The following ZNF644 variants were observed in gnomAD, a reference collection of about 807,000 sequenced individuals.
The protein encoded by ZNF644 is zinc finger motif enhancer binding protein 2.
A neutral mutation model predicts 108.0 loss-of-function variants in ZNF644; 20 were observed. The observed-to-expected ratio is 0.19, with a 90% CI of 0.13 to 0.27. The LOEUF (loss-of-function observed/expected upper bound fraction) is 0.27, where lower values mean the gene tolerates loss of function less well. Ranked by LOEUF, ZNF644 falls within the 10% of genes least tolerant of loss-of-function variation. The pLI is 1.00. For synonymous variants in ZNF644, 542 were observed against 539.1 expected (o/e 1.01, Z -0.08); for missense variants, 1,338 against 1,548.9 (o/e 0.86, Z 2.29).
intron 1 of ZNF644, among the ~76,000 whole-genome samples, chr1:90,991,455 A>G (rs1447862230): frequency 2.0e-5 from 3 of 152,216 alleles, no homozygotes; most frequent in South Asian, 4.1e-4. Flanking sequence ...AAATGAAAGC[A>G]TATGTCCATA....
chr1:90,944,634 C>A (rs1266540454), intron 2 of ZNF644, among the ~76,000 whole-genome samples: 2 of 151,536 alleles, frequency 1.3e-5, no homozygotes, highest in Non-Finnish European at 2.9e-5. Flanking sequence ...TAGATACAAC[C>A]TTCCTGTCAT....
Position 90,940,654 on chromosome 1 carries a change from T to C in ZNF644, c.700A>G (p.Lys234Glu). The C allele has an allele frequency of 6.2e-7, 1 of 1,614,090 alleles. No homozygotes were observed. The highest frequency in any genetic ancestry group is 8.5e-7 in the Non-Finnish European group (1 of 1,179,970). The change falls in exon 3 of 6, where the codon AAA becomes GAA. Residue 234 changes from lysine to glutamate, a missense_variant. Physicochemically the swap from Lys to Glu is moderately conservative, Grantham distance 56. Around this residue, in one of 6 missense-constraint regions of ZNF644, gnomAD observed 464 missense variants for 457.9 expected, o/e 1.01. Transcript: ENST00000337393. Reference sequence around the variant, plus strand: ...GTTACTGTATTGACACAATCATCTTTCACCAATAAATCTTCACCATCCTCA... The same window carrying C: ...GTTACTGTATTGACACAATCATCTTCCACCAATAAATCTTCACCATCCTCA... The part of the protein sequence containing the change: ...VGEDGEDLLV[K>E]DDCVNTVTGI...
intron 2 of ZNF644, among the ~76,000 whole-genome samples, chr1:90,944,379 C>T (rs920928922): frequency 6.6e-6 from 1 of 151,922 alleles, no homozygotes; most frequent in African/African-American, 2.4e-5. Flanking sequence ...ATGTGCATAA[C>T]AGATATTTTA....
intron 4 of ZNF644, among the ~76,000 whole-genome samples, chr1:90,936,904 G>A (rs1423053200): frequency 2.0e-5 from 3 of 152,130 alleles, no homozygotes; most frequent in Non-Finnish European, 4.4e-5. Flanking sequence ...TATGTTTTAT[G>A]TTCACAACTG....
intron 2 of ZNF644, among the ~76,000 whole-genome samples, chr1:90,965,829 T>C (rs755811972): frequency 2.0e-5 from 3 of 152,032 alleles, no homozygotes; most frequent in Admixed American, 1.3e-4. Flanking sequence ...GGCTCACTGA[T>C]ACCTTCACCT....
intron 2 of ZNF644, among the ~76,000 whole-genome samples, chr1:90,971,690 T>C (rs1382994396): frequency 6.6e-6 from 1 of 152,064 alleles, no homozygotes; most frequent in Non-Finnish European, 1.5e-5. Context: ...GTGCTGGGAT[T>C]ACAGGTGTGA....
intron 2 of ZNF644, among the ~76,000 whole-genome samples, chr1:90,981,682 C>T (rs904077816): frequency 2.0e-5 from 3 of 152,012 alleles, no homozygotes; most frequent in Non-Finnish European, 1.5e-5. Context: ...CATTCTTTCA[C>T]ATACCAAAGT....
intron 4 of ZNF644, chr1:90,935,675 T>A: frequency 1.3e-5 from 5 of 382,708 alleles, no homozygotes; most frequent in African/African-American, 2.2e-5. Context: ...GGAGGGGAAA[T>A]TAAGTTAACT....
At chr1:91,003,266 G>A (rs953409123) in intron 1 of ZNF644, among the ~76,000 whole-genome samples, 5 of 152,096 alleles carry the variant, frequency 3.3e-5, no homozygotes, top group African/African-American at 1.2e-4. Flanking sequence ...CAATAGCAAA[G>A]ACTTGGAACC....
intron 1 of ZNF644, among the ~76,000 whole-genome samples, chr1:90,998,064 G>T (rs1251117035): frequency 1.2e-4 from 18 of 152,202 alleles, no homozygotes; most frequent in Admixed American, 9.2e-4. Context: ...CGAACTGGGG[G>T]GAGCCCACCA....
chr1:90,976,003 C>A (rs1655971823), intron 2 of ZNF644, among the ~76,000 whole-genome samples: 1 of 152,080 alleles, frequency 6.6e-6, no homozygotes, highest in Non-Finnish European at 1.5e-5. Context: ...CACAAGGAAA[C>A]AGTTCAAATA....
chr1:91,006,741 T>C (rs1189917770), intron 1 of ZNF644, among the ~76,000 whole-genome samples: 1 of 152,112 alleles, frequency 6.6e-6, no homozygotes, highest in Non-Finnish European at 1.5e-5. Flanking sequence ...CCCTTCATAA[T>C]CATCCTAGAA....
chr1:90,937,957 G>C lies in ZNF644; in HGVS notation c.3216C>G (p.His1072Gln). ...CATTCAGAACACAGATTGGAGATTT[G>C]TGAGCATCCCATTTCGTCTTTCCAA... The part of the protein sequence containing the change: ...KRLGKTKWDA[H>Q]KSPICVLNEM... The change falls in exon 4 of 6, where the codon CAC (histidine) becomes CAG (glutamine). Residue 1072 changes from histidine (H) to glutamine (Q), a missense_variant. This residue lies in a region of ZNF644 where 287 missense variants were observed against 310.9 expected (regional missense o/e 0.92). Transcript: ENST00000337393. The C allele has an allele frequency of 6.2e-7, 1 of 1,612,992 alleles. No homozygotes were observed. The highest frequency in any genetic ancestry group is 1.7e-5 in the Admixed American group (1 of 59,980).
intron 2 of ZNF644, among the ~76,000 whole-genome samples, chr1:90,969,402 G>T (rs1423308756): frequency 6.6e-6 from 1 of 152,136 alleles, no homozygotes; most frequent in Non-Finnish European, 1.5e-5. Context: ...CCCAGTCTGT[G>T]GTACAATAGT....
intron 4 of ZNF644, among the ~76,000 whole-genome samples, chr1:90,921,462 A>G (rs949198929): frequency 5.3e-5 from 8 of 152,068 alleles, no homozygotes; most frequent in African/African-American, 1.7e-4. Flanking sequence ...TTTACAAAGT[A>G]TTTTAAATCT....
At chr1:90,949,302 T>C (rs1652842080) in intron 2 of ZNF644, among the ~76,000 whole-genome samples, 1 of 152,044 alleles carries the variant, frequency 6.6e-6, no homozygotes, top group Non-Finnish European at 1.5e-5. Flanking sequence ...AAAGTGCTAC[T>C]TCAAAGAAAT....
intron 4 of ZNF644, among the ~76,000 whole-genome samples, chr1:90,936,490 C>T (rs1290400984): frequency 1.3e-5 from 2 of 152,092 alleles, no homozygotes; most frequent in South Asian, 2.1e-4. Context: ...GTTATCTTTC[C>T]TTAAATCAAA....
intron 1 of ZNF644, among the ~76,000 whole-genome samples, chr1:90,990,359 G>A (rs1185588988): frequency 6.6e-6 from 1 of 152,174 alleles, no homozygotes; most frequent in Non-Finnish European, 1.5e-5. Context: ...ACATATAAGA[G>A]CCAAGGTGGA....
intron 1 of ZNF644, among the ~76,000 whole-genome samples, chr1:90,983,132 C>T (rs1233083497): frequency 6.6e-6 from 1 of 152,096 alleles, no homozygotes. Context: ...TCTAAATTCT[C>T]TATTCTTTAA....
Sources: gnomAD v4.1 joint callset for allele counts (sites outside exome capture counted in the v4.1 genomes callset) on GRCh38, gnomAD v4.1.1 for gene constraint, gnomAD v4.1.1 regional missense constraint, MANE v1.5 for transcripts, NCBI Gene and HGNC (gene_info 2026-07-23, HGNC 2026-07-21) for gene names.